Variants in SASH1 observed in about 807,000 individuals in gnomAD.
SASH1 encodes SAM and SH3 domain-containing protein 1.
SASH1 carries 44 observed loss-of-function variants against 125.2 expected under a neutral mutation model. The observed-to-expected ratio is 0.35, with a 90% CI of 0.28 to 0.45. The LOEUF (loss-of-function observed/expected upper bound fraction) is 0.45. Ranked by LOEUF, SASH1 falls within the 20% of genes least tolerant of loss-of-function variation. The pLI is 1.00. For synonymous variants in SASH1, 639 were observed against 649.1 expected (o/e 0.98, Z 0.24); for missense variants, 1,426 against 1,614.5 (o/e 0.88, Z 2.00).
intron 1 of SASH1, among the ~76,000 whole-genome samples, chr6:148,351,650 CTT>C (rs67177596): frequency 5.9e-4 from 68 of 116,000 alleles, no homozygotes; most frequent in Middle Eastern, 4.4e-3. Flanking sequence ...TTACTCACCG[CTT>C]TTTTTTTTTT....
intron 7 of SASH1, among the ~76,000 whole-genome samples, chr6:148,477,439 G>A (rs985656757): frequency 2.0e-5 from 3 of 152,136 alleles, no homozygotes; most frequent in African/African-American, 7.2e-5. Context: ...AGAAGACAAA[G>A]GGAAAACAGA....
At chr6:148,447,696 C>T (rs73788553) in intron 4 of SASH1, among the ~76,000 whole-genome samples, 6,814 of 151,012 alleles carry the variant, frequency 0.045, 243 homozygotes, top group African/African-American at 0.097. Context: ...TCTTCCTCTT[C>T]TCCTCTTCCT....
At chr6:148,465,921 TTA>T (rs768324612) in intron 4 of SASH1, among the ~76,000 whole-genome samples, 1 of 152,192 alleles carries the variant, frequency 6.6e-6, no homozygotes, top group Non-Finnish European at 1.5e-5. Context: ...TCGTCATTTC[TTA>T]TGCTTTTTTG....
intron 1 of SASH1, among the ~76,000 whole-genome samples, chr6:148,288,265 G>A (rs180728711): frequency 7.6e-4 from 116 of 152,276 alleles, no homozygotes; most frequent in Non-Finnish European, 1.2e-3. Flanking sequence ...ATGACAGAGC[G>A]GCCCTGGGAT....
chr6:148,437,677 C>T (rs998678029), intron 2 of SASH1, among the ~76,000 whole-genome samples: 35 of 152,184 alleles, frequency 2.3e-4, no homozygotes, highest in African/African-American at 8.0e-4. Context: ...CCATGAATAG[C>T]CACTACACTC....
chr6:148,392,004 G>A (rs903859770), intron 2 of SASH1, among the ~76,000 whole-genome samples: 12 of 152,186 alleles, frequency 7.9e-5, no homozygotes, highest in Non-Finnish European at 1.6e-4. Context: ...TGAAAACTAA[G>A]CCGGGAGCGG....
chr6:148,362,131 G>GCA (rs1782250719), intron 1 of SASH1, among the ~76,000 whole-genome samples: 5 of 151,532 alleles, frequency 3.3e-5, no homozygotes, highest in Non-Finnish European at 7.4e-5. Flanking sequence ...GTTTCTCCGT[G>GCA]TTAGCCAGGA....
chr6:148,519,879 T>C lies in SASH1; in HGVS notation c.1195T>C (p.Ser399Pro). ...TEGEMKKGLG[S>P]LSHGRTCSFG... ...GGGGGAGATGAAGAAGGGTCTCGGG[T>C]CCCTAAGCCACGGGGTAAGTACGGA... The change falls in exon 10 of 20, where the codon TCC becomes CCC. Residue 399 changes from serine to proline, a missense_variant. By Grantham distance (74) the Ser-to-Pro change is moderately conservative. Coordinates refer to ENST00000367467, the MANE Select transcript of SASH1 (RefSeq NM_015278.5). The surrounding 1 kb of genome is among the most constrained non-coding windows in gnomAD (Gnocchi z 4.8). 6.4e-7 allele frequency: 1 copy of C among 1,574,608 alleles called. No individual in the cohort carries two copies. Among genetic ancestry groups the C allele is most frequent in the Non-Finnish European group, 8.6e-7 (1 of 1,162,532 alleles).
At chr6:148,347,991 T>TTTTA (rs1781574717) in intron 1 of SASH1, among the ~76,000 whole-genome samples, 2 of 152,118 alleles carry the variant, frequency 1.3e-5, no homozygotes, top group South Asian at 4.1e-4. Flanking sequence ...GCTTTCATAA[T>TTTTA]TTTATTTATT....
At chr6:148,373,326 C>T (rs1782769003) in intron 1 of SASH1, among the ~76,000 whole-genome samples, 1 of 152,110 alleles carries the variant, frequency 6.6e-6, no homozygotes, top group Non-Finnish European at 1.5e-5. Context: ...GTGGGAAGAG[C>T]TGAGCAGGCC....
In SASH1 at chr6:148,337,270, C is replaced by T. The variant is rs187265283; in HGVS notation, n.75-52864C>T. Among the ~76,000 whole-genome samples the T allele has an allele frequency of 2.0e-5, 3 of 149,810 alleles. No individual in the cohort carries two copies. In the East Asian group the frequency reaches 5.9e-4, roughly 29 times the overall value. ...ATGGAGTCTCGTTCTGTCACCCAGG[C>T]TGCAGTGCAATGACGCAATCTCGGC... On this transcript the variant is annotated intron_variant and non_coding_transcript_variant, in intron 1 of 3. Transcript: ENST00000367469.
At chr6:148,499,059 T>G (rs79919606) in intron 8 of SASH1, among the ~76,000 whole-genome samples, 4 of 138,622 alleles carry the variant, frequency 2.9e-5, no homozygotes, top group African/African-American at 1.3e-4. Context: ...TTTTTTTTGT[T>G]TTTTTTTTTT....
At position 148,348,656 on chromosome 6, in the gene SASH1, T is replaced by C. The variant is rs187564799; in HGVS notation, c.156+5433T>C. On this transcript the variant is annotated intron_variant, in intron 1 of 19. Transcript: ENST00000367467. Reference sequence around the variant, plus strand: ...ATGTAAACGTCTGTGTCCTAAGTCATGCAGATAGTAGATGGGGAAGCTGAG... The same window carrying C: ...ATGTAAACGTCTGTGTCCTAAGTCACGCAGATAGTAGATGGGGAAGCTGAG... Among the ~76,000 whole-genome samples, 16 of 152,294 alleles carry C rather than the reference T, an allele frequency of 1.1e-4. No individual in the cohort carries two copies. The East Asian group carries it at 2.9e-3, about 28-fold the overall frequency.
Position 148,433,251 on chromosome 6 carries a change from C to T in SASH1, c.286-6933C>T, listed in dbSNP as rs535843198. Reference sequence around the variant, plus strand: ...TTAACTATACCATACTATAGCGGAGCCTCTTTTAGTCAAAGTATGAATATG... The same window carrying T: ...TTAACTATACCATACTATAGCGGAGTCTCTTTTAGTCAAAGTATGAATATG... On this transcript the variant is annotated intron_variant, in intron 2 of 19. Transcript: ENST00000367467. 5.2e-4 allele frequency among the ~76,000 whole-genome samples: 79 copies of T among 152,094 alleles called. 1 individual carries two copies. Among genetic ancestry groups the T allele is most frequent in the Non-Finnish European group, 2.9e-4 (20 of 67,996 alleles).
the SASH1 span, among the ~76,000 whole-genome samples, chr6:148,229,514 GAACA>G: frequency 1.3e-5 from 2 of 152,000 alleles, no homozygotes; most frequent in Non-Finnish European, 2.9e-5. Context: ...TGATAGAGGT[GAACA>G]AACAAATACT....
chr6:148,397,769 G>A (rs1275676649), intron 2 of SASH1, among the ~76,000 whole-genome samples: 2 of 152,204 alleles, frequency 1.3e-5, no homozygotes, highest in African/African-American at 4.8e-5. Flanking sequence ...TCATTCATGT[G>A]TGTAAATATT....
chr6:148,452,235 G>A (rs1009634884), intron 4 of SASH1, among the ~76,000 whole-genome samples: 2 of 152,210 alleles, frequency 1.3e-5, no homozygotes, highest in African/African-American at 4.8e-5. Context: ...ATGATATTAG[G>A]TACTCTTCTG....
intron 1 of SASH1, among the ~76,000 whole-genome samples, chr6:148,382,345 G>A (rs545665719): frequency 6.6e-6 from 1 of 152,128 alleles, no homozygotes; most frequent in Non-Finnish European, 1.5e-5. Context: ...GCTGGAGTGC[G>A]ATGGTGCCAT....
At chr6:148,498,239 A>C (rs373457700) in intron 8 of SASH1, among the ~76,000 whole-genome samples, 14,642 of 148,048 alleles carry the variant, frequency 0.099, 1,002 homozygotes, top group African/African-American at 0.19. Flanking sequence ...ACAAACAAAA[A>C]AAAAAAAACA....
Sources: gnomAD v4.1 joint callset for allele counts (sites outside exome capture counted in the v4.1 genomes callset) on GRCh38, gnomAD v4.1.1 for gene constraint, Gnocchi (gnomAD v3.1) non-coding constraint, MANE v1.5 for transcripts, NCBI Gene and HGNC (gene_info 2026-07-23, HGNC 2026-07-21) for gene names.